Variants in ITGAM observed in about 807,000 individuals in gnomAD.
ITGAM encodes the protein integrin alpha-M.
A neutral mutation model predicts 137.5 loss-of-function variants in ITGAM; 79 were observed. The observed-to-expected ratio is 0.57, with a 90% CI of 0.48 to 0.69. The LOEUF (loss-of-function observed/expected upper bound fraction) is 0.69. Among genes scored for constraint, ITGAM ranks in the 30% least tolerant of loss-of-function variants. The pLI, the probability that ITGAM is intolerant of heterozygous loss-of-function variation, is 0.00. For synonymous variants in ITGAM, 583 were observed against 592.3 expected, an observed-to-expected ratio of 0.98 and a Z score of 0.23; for missense variants, 1,343 against 1,483.5, an observed-to-expected ratio of 0.91 and a Z score of 1.56.
intron 16 of ITGAM, among the ~76,000 whole-genome samples, chr16:31,323,655 G>T (rs1272071831): frequency 6.6e-6 from 1 of 152,170 alleles, no homozygotes; most frequent in Non-Finnish European, 1.5e-5. Context: ...AAAAGACACT[G>T]TGCTAAATAC....
chr16:31,331,395 T>C, intron 29 of ITGAM, 120 bp downstream of exon 29: 1 of 705,740 alleles, frequency 1.4e-6, no homozygotes, highest in South Asian at 1.7e-5. Context: ...TCTGGGAGCC[T>C]CTCTGCGCCT....
At chr16:31,310,767 C>T (rs562528554) in intron 14 of ITGAM, among the ~76,000 whole-genome samples, 4 of 152,272 alleles carry the variant, frequency 2.6e-5, no homozygotes, top group South Asian at 2.1e-4. Flanking sequence ...GGAGGAGAGG[C>T]GCTCTGATTT....
intron 26 of ITGAM, 59 bp from the exon 27 acceptor site, chr16:31,330,249 G>A: frequency 6.3e-7 from 1 of 1,587,812 alleles, no homozygotes; most frequent in Middle Eastern, 1.7e-4. Flanking sequence ...AGCAAACGGG[G>A]AGGGGTGTTC....
intron 16 of ITGAM, 64 bp downstream of exon 16, chr16:31,321,691 C>T: frequency 2.0e-6 from 3 of 1,516,286 alleles, no homozygotes; most frequent in Non-Finnish European, 2.7e-6. Context: ...GTGCTGCAAT[C>T]CACTCTGCCC....
At chr16:31,329,011 T>C (rs1165646584) in intron 23 of ITGAM, 1 of 617,410 alleles carries the variant, frequency 1.6e-6, no homozygotes, top group East Asian at 2.8e-5. Context: ...TGGGTGTGCA[T>C]TTGTGCACGT....
chr16:31,294,218 T>C (rs2080111775), intron 12 of ITGAM, among the ~76,000 whole-genome samples: 1 of 152,136 alleles, frequency 6.6e-6, no homozygotes. Flanking sequence ...TCTTCCTATT[T>C]GTATGCCCTT....
At chr16:31,315,420 C>T (rs2080380486) in intron 14 of ITGAM, among the ~76,000 whole-genome samples, 1 of 151,760 alleles carries the variant, frequency 6.6e-6, no homozygotes, top group South Asian at 2.1e-4. Context: ...TTAGATCTTA[C>T]ATTTAAGCCT....
chr16:31,277,094 T>C (rs1262531568), intron 11 of ITGAM, 45 bp downstream of exon 11: 4 of 1,555,462 alleles, frequency 2.6e-6, no homozygotes, highest in Non-Finnish European at 3.5e-6. Flanking sequence ...GGTGAGGATT[T>C]GGCATAAGTC....
intron 5 of ITGAM, 59 bp downstream of exon 5, chr16:31,266,206 G>T (rs2079766013): frequency 2.5e-6 from 3 of 1,180,034 alleles, no homozygotes; most frequent in Non-Finnish European, 3.8e-6. Flanking sequence ...GAGGGGGCAG[G>T]ACTGAGGTGA....
chr16:31,260,290 C>T (rs2079684503), intron 1 of ITGAM, among the ~76,000 whole-genome samples, 198 bp downstream of exon 1: 1 of 152,120 alleles, frequency 6.6e-6, no homozygotes, highest in Non-Finnish European at 1.5e-5. Flanking sequence ...GGATGAATGA[C>T]CACATTCATG....
intron 5 of ITGAM, among the ~76,000 whole-genome samples, chr16:31,269,608 G>C (rs2079806549): frequency 6.6e-6 from 1 of 152,160 alleles, no homozygotes; most frequent in Non-Finnish European, 1.5e-5. Flanking sequence ...TATTTACAAA[G>C]AGGGGGGTTT....
chr16:31,302,332 A>G (rs150811782), intron 14 of ITGAM, among the ~76,000 whole-genome samples: 145 of 152,306 alleles, frequency 9.5e-4, no homozygotes, highest in African/African-American at 3.3e-3. Flanking sequence ...TAGTGCTGTG[A>G]GGGCATTACT....
intron 16 of ITGAM, among the ~76,000 whole-genome samples, chr16:31,323,349 C>A (rs1248265874): frequency 6.6e-6 from 1 of 151,038 alleles, no homozygotes; most frequent in Non-Finnish European, 1.5e-5. Flanking sequence ...AGAATTGAAC[C>A]TGGGAGGCGG....
intron 14 of ITGAM, among the ~76,000 whole-genome samples, chr16:31,319,405 A>G (rs73534453): frequency 0.012 from 1,882 of 152,156 alleles, 36 homozygotes; most frequent in African/African-American, 0.043. Context: ...TCCTGGTGAA[A>G]TGGCCATTTC....
chr16:31,331,860 C>CGTGTGTGCAA lies in ITGAM; in HGVS notation c.*158_*167dup, dbSNP rs1555472194. ...TTGTGTGTGTGCAAGTGTGTATGTG[C>CGTGTGTGCAA]GTGTGTGCAAGTGTCTGTGTGCAAG... On this transcript the variant is annotated 3_prime_UTR_variant, in exon 30 of 30. Transcript: ENST00000544665. 1.3e-5 allele frequency: 8 copies of CGTGTGTGCAA among 609,502 alleles called. No individual in the cohort carries two copies. The highest frequency in any genetic ancestry group is 2.0e-5 in the Non-Finnish European group (7 of 345,036). The allele number at this position is 609,502 out of a possible 1,614,324, so 37.8% of individuals were successfully genotyped here.
intron 5 of ITGAM, among the ~76,000 whole-genome samples, chr16:31,270,719 ATATATATATATATATATATATAT>A (rs1171885816): frequency 1.9e-5 from 2 of 104,534 alleles, no homozygotes; most frequent in African/African-American, 8.4e-5. Context: ...ATATATATAT[ATATATATATATATATATATATAT>A]ATGTTTTTAA....
chr16:31,289,297 C>T (rs922636536), intron 12 of ITGAM, among the ~76,000 whole-genome samples: 2 of 152,170 alleles, frequency 1.3e-5, no homozygotes, highest in South Asian at 2.1e-4. Context: ...TATAAAGGCA[C>T]ATGCACACGA....
At chr16:31,315,624 C>CT (rs1228241050) in intron 14 of ITGAM, among the ~76,000 whole-genome samples, 4 of 151,526 alleles carry the variant, frequency 2.6e-5, no homozygotes, top group East Asian at 2.0e-4. Context: ...TGCCTGGCTA[C>CT]TTTTTTGTAT....
At chr16:31,314,752 C>T (rs1026310118) in intron 14 of ITGAM, among the ~76,000 whole-genome samples, 2 of 151,020 alleles carry the variant, frequency 1.3e-5, no homozygotes, top group South Asian at 4.2e-4. Flanking sequence ...GTAGTTTTCA[C>T]AAGATCAGCT....
Sources: gnomAD v4.1 joint callset for allele counts (sites outside exome capture counted in the v4.1 genomes callset) on GRCh38, gnomAD v4.1.1 for gene constraint, MANE v1.5 for transcripts, NCBI Gene and HGNC (gene_info 2026-07-23, HGNC 2026-07-21) for gene names.